The following HS3ST1 variants were observed in gnomAD, a reference collection of about 807,000 sequenced individuals.
The protein encoded by HS3ST1 is heparan sulfate glucosamine 3-O-sulfotransferase 1.
A neutral mutation model predicts 20.7 loss-of-function variants in HS3ST1; 8 were observed. The ratio of observed to expected loss-of-function variants is 0.39; its 90% CI spans 0.23 to 0.70. HS3ST1 has a LOEUF of 0.70. HS3ST1 is among the 30% of genes least tolerant of loss of function. The probability of loss-of-function intolerance (pLI) is 0.46; values close to 1 mark genes in which losing one functional copy is unlikely to be tolerated. For missense variants in HS3ST1, 436 were observed against 423.4 expected (o/e 1.03, Z -0.26); for synonymous variants, 205 against 190.4 (o/e 1.08, Z -0.63).
In HS3ST1 at chr4:11,396,757, A is replaced by G. The variant is rs1256142355; in HGVS notation, c.*2325T>C. 9 of 152,390 alleles carry G rather than the reference A, an allele frequency of 5.9e-5. No individual in the cohort carries two copies. Among genetic ancestry groups the G allele is most frequent in the Admixed American group, 5.9e-4 (9 of 15,304 alleles). The allele number at this position is 152,390 out of a possible 1,614,324, so 9.4% of individuals were successfully genotyped here. On this transcript the variant is annotated 3_prime_UTR_variant, in exon 2 of 2. Transcript: ENST00000002596. ...CTGATCCCTTGCTCATGGTAGACTCATTTGAACATTCCTTTAGCCACGACT... is the reference window on the plus strand; with the variant it reads ...CTGATCCCTTGCTCATGGTAGACTCGTTTGAACATTCCTTTAGCCACGACT...
At chr4:11,411,254 A>T (rs1718625813) in intron 1 of HS3ST1, among the ~76,000 whole-genome samples, 1 of 152,214 alleles carries the variant, frequency 6.6e-6, no homozygotes, top group African/African-American at 2.4e-5. Flanking sequence ...AAATAATATG[A>T]GTAGTATGCC....
chr4:11,410,859 T>G lies in HS3ST1; in HGVS notation c.-108-10746A>C, dbSNP rs552147185. Among the ~76,000 whole-genome samples, 336 of 151,982 alleles carry G rather than the reference T, an allele frequency of 2.2e-3. 1 individual carries two copies. The highest frequency in any genetic ancestry group is 4.2e-3 in the Non-Finnish European group (288 of 67,990). ...GTGAGCCAAGATCACACCATGGCAC[T>G]CCAGCCTGGGCAACAGAGCGAGACT... On this transcript the variant is annotated intron_variant, in intron 1 of 1. Transcript: ENST00000002596.
rs559402526 is a variant in HS3ST1, at chr4:11,426,366, C to A, written c.-109+2333G>T. Among the ~76,000 whole-genome samples, 9 of 150,672 alleles carry A rather than the reference C, an allele frequency of 6.0e-5. No individual in the cohort carries two copies. The East Asian group carries it at 1.2e-3, about 20-fold the overall frequency. On this transcript the variant is annotated intron_variant, in intron 1 of 1. Coordinates refer to ENST00000002596, the MANE Select transcript of HS3ST1 (RefSeq NM_005114.4). ...CATGTGGCTTTTCCCTTCAGAGGCC[C>A]CCCCCCCAACCCTCACAAGATTTTT...
chr4:11,427,519 C>T (rs1472622655), intron 1 of HS3ST1, among the ~76,000 whole-genome samples: 2 of 152,210 alleles, frequency 1.3e-5, no homozygotes, highest in African/African-American at 2.4e-5. Context: ...CTAGAATCCC[C>T]CCAAAAGCAT....
chr4:11,416,923 A>G (rs540242702), intron 1 of HS3ST1, among the ~76,000 whole-genome samples: 64 of 152,340 alleles, frequency 4.2e-4, no homozygotes, highest in Middle Eastern at 3.4e-3. Flanking sequence ...TCTGAACCTG[A>G]TAAGAAAAGG....
At chr4:11,412,977 G>C (rs1473062685) in intron 1 of HS3ST1, among the ~76,000 whole-genome samples, 2 of 152,112 alleles carry the variant, frequency 1.3e-5, no homozygotes, top group Admixed American at 1.3e-4. Context: ...CAGAAATCTG[G>C]CTTATTTTCT....
chr4:11,400,820 C>CA (rs1718303243), intron 1 of HS3ST1, among the ~76,000 whole-genome samples: 1 of 152,232 alleles, frequency 6.6e-6, no homozygotes, highest in South Asian at 2.1e-4. Context: ...GCAGATGTGA[C>CA]AACGTATCAG....
At chr4:11,423,934 G>A (rs373986428) in intron 1 of HS3ST1, among the ~76,000 whole-genome samples, 1 of 149,504 alleles carries the variant, frequency 6.7e-6, no homozygotes, top group South Asian at 2.1e-4. Flanking sequence ...ACACAGAAAT[G>A]TTTGGTTTGG....
upstream of HS3ST1, among the ~76,000 whole-genome samples, chr4:11,434,130 A>G (rs1011223640): frequency 1.3e-5 from 2 of 152,266 alleles, no homozygotes; most frequent in African/African-American, 4.8e-5. Flanking sequence ...GAAGTCTCTT[A>G]CACAATGGTA....
intron 1 of HS3ST1, among the ~76,000 whole-genome samples, chr4:11,407,590 G>A (rs56215854): frequency 3.5e-4 from 54 of 152,244 alleles, no homozygotes; most frequent in African/African-American, 1.2e-3. Flanking sequence ...CCCATAGGTG[G>A]TCTGAAGTCA....
chr4:11,400,331 A>G (rs544349610), intron 1 of HS3ST1, among the ~76,000 whole-genome samples: 4 of 152,184 alleles, frequency 2.6e-5, no homozygotes, highest in East Asian at 3.9e-4. Context: ...TCCAACTCCA[A>G]CCGTGCTATT....
chr4:11,410,560 G>C (rs1411980907), intron 1 of HS3ST1, among the ~76,000 whole-genome samples: 1 of 152,180 alleles, frequency 6.6e-6, no homozygotes, highest in Non-Finnish European at 1.5e-5. Flanking sequence ...AGGACCCACA[G>C]CTTGAGAGGC....
At chr4:11,430,056 TA>T (rs201041950), upstream of HS3ST1, among the ~76,000 whole-genome samples, 895 of 151,816 alleles carry the variant, frequency 5.9e-3, 5 homozygotes, top group Middle Eastern at 0.034. Flanking sequence ...ATTGTTTAAT[TA>T]AAAAAAAATC....
At chr4:11,417,004 A>G (rs1718801840) in intron 1 of HS3ST1, among the ~76,000 whole-genome samples, 2 of 152,176 alleles carry the variant, frequency 1.3e-5, no homozygotes, top group Non-Finnish European at 2.9e-5. Flanking sequence ...TTCCTGATTT[A>G]TCTGGGAACA....
chr4:11,420,863 C>T (rs1175187880), intron 1 of HS3ST1, among the ~76,000 whole-genome samples: 2 of 152,186 alleles, frequency 1.3e-5, no homozygotes, highest in African/African-American at 4.8e-5. Flanking sequence ...ACCTTGAAGA[C>T]AACACTGCTT....
intron 1 of HS3ST1, among the ~76,000 whole-genome samples, chr4:11,413,131 C>G (rs1718681343): frequency 6.6e-6 from 1 of 152,144 alleles, no homozygotes; most frequent in Admixed American, 6.5e-5. Context: ...TGTTCATAAG[C>G]CATCAGGCCT....
intron 1 of HS3ST1, among the ~76,000 whole-genome samples, chr4:11,417,089 T>G (rs1718804778): frequency 6.6e-6 from 1 of 152,130 alleles, no homozygotes; most frequent in African/African-American, 2.4e-5. Context: ...CTTAATAAAT[T>G]AGAATGTGAG....
At chr4:11,407,129 C>T (rs1469172256) in intron 1 of HS3ST1, among the ~76,000 whole-genome samples, 1 of 152,146 alleles carries the variant, frequency 6.6e-6, no homozygotes, top group Non-Finnish European at 1.5e-5. Flanking sequence ...ACATGTCAAT[C>T]TTCAACAAAT....
At chr4:11,421,586 TAA>T (rs1343157798) in intron 1 of HS3ST1, among the ~76,000 whole-genome samples, 3 of 152,156 alleles carry the variant, frequency 2.0e-5, no homozygotes, top group African/African-American at 7.2e-5. Context: ...CCTCCTAAAC[TAA>T]AGAGTGAAGA....
Sources: allele counts gnomAD v4.1 joint callset (sites outside exome capture counted in the v4.1 genomes callset), GRCh38; gene constraint gnomAD v4.1.1; transcripts MANE v1.5; gene names NCBI Gene and HGNC (gene_info 2026-07-23, HGNC 2026-07-21).